TTC21A: variants seen among roughly 807,000 people sequenced by gnomAD.
The protein encoded by TTC21A is tetratricopeptide repeat protein 21A.
In TTC21A, 128 loss-of-function variants were observed where a neutral mutation model predicts 156.4. That is an observed-to-expected ratio of 0.82 (90% CI 0.71 to 0.95). TTC21A has a LOEUF of 0.95. Among genes scored for constraint, TTC21A ranks in the 40% least tolerant of loss-of-function variants. The probability of loss-of-function intolerance (pLI) is 0.00; values close to 1 mark genes in which losing one functional copy is unlikely to be tolerated. For missense variants in TTC21A, 1,435 were observed against 1,602.3 expected, an observed-to-expected ratio of 0.90 and a Z score of 1.78; for synonymous variants, 587 against 617.1, an observed-to-expected ratio of 0.95 and a Z score of 0.72.
chr3:39,125,188 C>T, intron 10 of TTC21A, 28 bp downstream of exon 10: 1 of 1,580,932 alleles, frequency 6.3e-7, no homozygotes, highest in Non-Finnish European at 8.7e-7. Flanking sequence ...GTATGGGTTG[C>T]TCCAGGATGA....
rs374479197 is a variant in TTC21A, at chr3:39,118,024, G to C, written c.717-45G>C. On this transcript the variant is annotated intron_variant, in intron 6 of 28. Transcript: ENST00000683103. ...GTCGCCAACACACCATCCCAGCTTTGCCTATCAATACTCTCAATTCATGTG... is the reference window on the plus strand; with the variant it reads ...GTCGCCAACACACCATCCCAGCTTTCCCTATCAATACTCTCAATTCATGTG... 1,111 of 1,407,686 alleles carry C rather than the reference G, an allele frequency of 7.9e-4. 1 individual carries two copies. The highest frequency in any genetic ancestry group is 8.4e-4 in the Non-Finnish European group (838 of 992,304). 87.2% of individuals were successfully genotyped at this position (1,407,686 alleles called of 1,614,324 possible).
Position 39,130,358 on chromosome 3 carries a change from G to T in TTC21A, c.2319G>T (p.Glu773Asp). 6.2e-7 allele frequency: 1 copy of T among 1,610,596 alleles called. No individual in the cohort carries two copies. The highest frequency in any genetic ancestry group is 2.2e-5 in the East Asian group (1 of 44,850). The change falls in exon 17 of 29, where the codon GAG becomes GAT. Residue 773 changes from glutamate to aspartate, a missense_variant and splice_region_variant. Glu to Asp is a conservative substitution (Grantham distance 45, BLOSUM62 2). Coordinates refer to ENST00000683103, the MANE Select transcript of TTC21A (RefSeq NM_001366900.1). This position sits in a 1 kb window ranked among gnomAD's most constrained non-coding sequence, Gnocchi z 4.5. The stretch of plus-strand genomic sequence containing the variant: ...ATGTGAAGGCCCACCAGTATACTGA[G>T]GTCAGGCTGGGCTAGGGTGTGAAGG... ...HAYVKAHQYT[E>D]AIEYYEAAQK... is the part of the protein sequence containing the mutation.
At position 39,107,764 on chromosome 3, in the gene TTC21A, C is replaced by T. The variant is rs973127155; in HGVS notation, c.-74C>T. The stretch of plus-strand genomic sequence containing the variant: ...TCAACCGCCCGCCGCGATAGAGTGC[C>T]CACGACCCTGCCTCGGGAATCCCGC... On this transcript the variant is annotated 5_prime_UTR_variant, in exon 1 of 29. Coordinates refer to ENST00000683103, the MANE Select transcript of TTC21A (RefSeq NM_001366900.1). The T allele has an allele frequency of 1.3e-4, 215 of 1,601,664 alleles. 1 individual carries two copies. The highest frequency in any genetic ancestry group is 2.6e-5 in the Non-Finnish European group (30 of 1,173,044).
In TTC21A at chr3:39,126,520, A is replaced by ACT. The variant is rs1249900644; in HGVS notation, c.1522+134_1522+135dup. 176 of 821,764 alleles carry ACT rather than the reference A, an allele frequency of 2.1e-4. 2 individuals carry two copies. The African/African-American group carries it at 2.6e-3, about 12-fold the overall frequency. The allele number at this position is 821,764 out of a possible 1,614,324, so 50.9% of individuals were successfully genotyped here. A position where few individuals can be genotyped will look rare whatever the true frequency, so the allele number is the denominator to read the frequency against. On this transcript the variant is annotated intron_variant, in intron 12 of 28. Coordinates refer to ENST00000683103, the MANE Select transcript of TTC21A (RefSeq NM_001366900.1). ...CACACACACACACACACACACACAC[A>ACT]CTCTCCTTGCCTGGGGTACTACGCA...
In TTC21A at chr3:39,129,282, G is replaced by C. The variant is rs1197137376; in HGVS notation, c.2107G>C (p.Asp703His). ...CAACATCTACCTGCAGACCCTCAGA[G>C]ACAGGCGCCTCTACATCAGATGCTA... ...MANIYLQTLR[D>H]RRLYIRCYRE... Residue 703 changes from aspartate (D) to histidine (H), a missense_variant, in exon 15 of 29, where the codon GAC (aspartate) becomes CAC (histidine). Asp to His is a moderately conservative substitution (Grantham distance 81). Coordinates refer to ENST00000683103, the MANE Select transcript of TTC21A (RefSeq NM_001366900.1). 1 of 1,614,062 alleles carries C rather than the reference G, an allele frequency of 6.2e-7. No homozygotes were observed. The highest frequency in any genetic ancestry group is 8.5e-7 in the Non-Finnish European group (1 of 1,179,994).
chr3:39,107,940 C>A, intron 1 of TTC21A, 76 bp downstream of exon 1: 1 of 1,555,884 alleles, frequency 6.4e-7, no homozygotes, highest in Non-Finnish European at 8.8e-7. Context: ...TGCCCTGCTA[C>A]TCTCCTGCCA....
Position 39,120,003 on chromosome 3 carries a change from A to C in TTC21A, c.883A>C (p.Ile295Leu). ...TCCAAGCCTCCATCTTAAAAAAATTATTGTGGTTAGCCGACTGGTAAGAAG... is the reference window on the plus strand; with the variant it reads ...TCCAAGCCTCCATCTTAAAAAAATTCTTGTGGTTAGCCGACTGGTAAGAAG... ...ENPSLHLKKI[I>L]VVSRLCGSHQ... Residue 295 changes from isoleucine (I) to leucine (L), a missense_variant, in exon 8 of 29, where the codon ATT becomes CTT. Ile to Leu is a conservative substitution (Grantham distance 5). Transcript: ENST00000683103. 8 of 1,605,304 alleles carry C rather than the reference A, an allele frequency of 5.0e-6. No individual in the cohort carries two copies. The highest frequency in any genetic ancestry group is 6.8e-6 in the Non-Finnish European group (8 of 1,172,762).
chr3:39,119,653 G>GA (rs751803481), intron 7 of TTC21A: 13,532 of 220,110 alleles, frequency 0.061, 36 homozygotes, highest in Middle Eastern at 0.083. Context: ...AGAAAAAAAA[G>GA]AAAAAAAAAA....
intron 4 of TTC21A, 126 bp downstream of exon 4, chr3:39,111,143 A>G (rs1215524802): frequency 9.5e-7 from 1 of 1,047,178 alleles, no homozygotes; most frequent in Non-Finnish European, 1.4e-6. Context: ...CACTGGCAAA[A>G]CACCGGGTCT....
In TTC21A at chr3:39,130,426, A is replaced by C. The variant is rs1409239293; in HGVS notation, c.2319+68A>C. 24 of 1,295,714 alleles carry C rather than the reference A, an allele frequency of 1.9e-5. No homozygotes were observed. Among genetic ancestry groups the C allele is most frequent in the Non-Finnish European group, 2.6e-5 (24 of 928,118 alleles). The allele number at this position is 1,295,714 out of a possible 1,614,324, so 80.3% of individuals were successfully genotyped here. A position where few individuals can be genotyped will look rare whatever the true frequency, so the allele number is the denominator to read the frequency against. On this transcript the variant is annotated intron_variant, in intron 17 of 28. Coordinates refer to ENST00000683103, the MANE Select transcript of TTC21A (RefSeq NM_001366900.1). The surrounding 1 kb of genome is among the most constrained non-coding windows in gnomAD (Gnocchi z 4.5). ...CAGCAGGGAAGGAGGAGGACGGTAC[A>C]TGACTGGGGAGCTCTGGGTGGGAGG...
At chr3:39,114,425 G>C (rs577350779) in intron 5 of TTC21A, among the ~76,000 whole-genome samples, 160 bp from the exon 6 acceptor site, 1 of 152,118 alleles carries the variant, frequency 6.6e-6, no homozygotes, top group Non-Finnish European at 1.5e-5. Context: ...TCCTTCTCCC[G>C]GGAACTTTGA....
intron 20 of TTC21A, among the ~76,000 whole-genome samples, chr3:39,133,681 C>T (rs759893175): frequency 8.5e-5 from 13 of 152,180 alleles, no homozygotes; most frequent in Non-Finnish European, 1.6e-4. Flanking sequence ...CACGCTAACA[C>T]AGTAGATGAA....
chr3:39,124,498 A>G (rs1345185701), intron 9 of TTC21A, among the ~76,000 whole-genome samples: 1 of 151,980 alleles, frequency 6.6e-6, no homozygotes, highest in African/African-American at 2.4e-5. Flanking sequence ...CGTTTCTACT[A>G]AAAATACAAA....
chr3:39,119,739 G>C (rs1265934525), intron 7 of TTC21A, 183 bp from the exon 8 acceptor site: 2 of 522,642 alleles, frequency 3.8e-6, no homozygotes, highest in Admixed American at 7.2e-5. Context: ...ATAGGCCTTT[G>C]AAGTAATTCT....
chr3:39,119,945 G>C lies in TTC21A; in HGVS notation c.825G>C (p.Leu275=). The C allele has an allele frequency of 3.1e-6, 5 of 1,608,872 alleles. No homozygotes were observed. Among genetic ancestry groups the C allele is most frequent in the Non-Finnish European group, 4.3e-6 (5 of 1,175,990 alleles). The change falls in exon 8 of 29, where the codon CTG becomes CTC. Residue 275 remains leucine (L), a synonymous_variant. Transcript: ENST00000683103. ...MTTATNHVRN[L]IKALETREPE... Reference sequence around the variant, plus strand: ...AGGCTACCAATCACGTTAGAAATCTGATTAAGGCACTAGAGACAAGGGAAC... The same window carrying C: ...AGGCTACCAATCACGTTAGAAATCTCATTAAGGCACTAGAGACAAGGGAAC...
intron 4 of TTC21A, among the ~76,000 whole-genome samples, chr3:39,111,970 C>A (rs2036868050): frequency 6.6e-6 from 1 of 152,154 alleles, no homozygotes; most frequent in Non-Finnish European, 1.5e-5. Context: ...GAGCTCAGAA[C>A]GGCTCCTGCT....
Position 39,116,497 on chromosome 3 carries a change from G to A in TTC21A, c.717-1572G>A, listed in dbSNP as rs150121180. Among the ~76,000 whole-genome samples the A allele has an allele frequency of 8.8e-3, 1,327 of 151,542 alleles. 9 individuals carry two copies. Among genetic ancestry groups the A allele is most frequent in the Non-Finnish European group, 0.015 (1,016 of 67,904 alleles). ...TTCTGCCCCCCCCTTTTTTTGGGGG[G>A]GAATGTCTTGCTTTGTTGCCTAGGC... On this transcript the variant is annotated intron_variant, in intron 6 of 28. Coordinates refer to ENST00000683103, the MANE Select transcript of TTC21A (RefSeq NM_001366900.1).
intron 9 of TTC21A, among the ~76,000 whole-genome samples, chr3:39,122,134 C>T (rs1050843997): frequency 6.6e-6 from 1 of 152,046 alleles, no homozygotes; most frequent in African/African-American, 2.4e-5. Context: ...CATGATGAAA[C>T]CCCATCTCTA....
Position 39,134,917 on chromosome 3 carries a change from G to A in TTC21A, c.2863-176G>A. ...GTCCTCACCTTCTGGGTGGGGGCCT[G>A]AGAAACCCTCAGGCTTCTCCTGTGG... On this transcript the variant is annotated intron_variant, in intron 21 of 28. Transcript: ENST00000683103. This position sits in a 1 kb window ranked among gnomAD's most constrained non-coding sequence, Gnocchi z 4.6. 4.8e-6 allele frequency: 3 copies of A among 620,752 alleles called. No homozygotes were observed. Among genetic ancestry groups the A allele is most frequent in the South Asian group, 1.9e-5 (1 of 52,130 alleles). The allele number at this position is 620,752 out of a possible 1,614,324, so 38.5% of individuals were successfully genotyped here. A position where few individuals can be genotyped will look rare whatever the true frequency, so the allele number is the denominator to read the frequency against.
Sources: allele counts gnomAD v4.1 joint callset (sites outside exome capture counted in the v4.1 genomes callset), GRCh38; gene constraint gnomAD v4.1.1; non-coding constraint Gnocchi (gnomAD v3.1); transcripts MANE v1.5; gene names NCBI Gene and HGNC (gene_info 2026-07-23, HGNC 2026-07-21).